The following NXN variants were observed in gnomAD, a reference collection of about 807,000 sequenced individuals.
The protein encoded by NXN is nucleoredoxin.
NXN carries 16 observed loss-of-function variants against 48.6 expected under a neutral mutation model. That is an observed-to-expected ratio of 0.33 (90% CI 0.22 to 0.50). The LOEUF (loss-of-function observed/expected upper bound fraction) is 0.50. Ranked by LOEUF, NXN falls within the 20% of genes least tolerant of loss-of-function variation. The pLI is 0.98. For missense variants in NXN, 492 were observed against 605.5 expected (o/e 0.81, Z 1.97); for synonymous variants, 281 against 269.6 (o/e 1.04, Z -0.41).
intron 1 of NXN, among the ~76,000 whole-genome samples, chr17:913,210 A>G (rs1362511798): frequency 6.6e-6 from 1 of 152,188 alleles, no homozygotes; most frequent in Admixed American, 6.5e-5. Context: ...CAGAAAATTC[A>G]TGAGTCACCA....
chr17:885,472 A>G (rs1373825255), intron 1 of NXN, among the ~76,000 whole-genome samples: 4 of 150,140 alleles, frequency 2.7e-5, no homozygotes, highest in Admixed American at 1.3e-4. Context: ...AGCGAGACTC[A>G]ATCTCAAAAA....
rs115823363 is a variant in NXN at position 917,134 on chromosome 17, T to A, written c.360+62185A>T. Among the ~76,000 whole-genome samples, 276 of 151,826 alleles carry A rather than the reference T, an allele frequency of 1.8e-3. 1 individual carries two copies. Among genetic ancestry groups the A allele is most frequent in the African/African-American group, 6.4e-3 (266 of 41,410 alleles). On this transcript the variant is annotated intron_variant, in intron 1 of 7. Transcript: ENST00000336868. The surrounding 1 kb of genome is among the most constrained non-coding windows in gnomAD (Gnocchi z 4.5). ...CCCTGTTCCTAAGTGAACCAAGGAA[T>A]GAGGTGTTCCACGCCTGAGCTCACA...
At position 922,282 on chromosome 17, in the gene NXN, T is replaced by C. The variant is rs528952418; in HGVS notation, c.360+57037A>G. ...CACGGTGAAACCTCATCTCTAAAAA[T>C]ACAAAAATTAGCTGGGTGTGGTGGC... is the stretch of plus-strand genomic sequence containing the variant. On this transcript the variant is annotated intron_variant, in intron 1 of 7. Coordinates refer to ENST00000336868, the MANE Select transcript of NXN (RefSeq NM_022463.5). 3.3e-5 allele frequency among the ~76,000 whole-genome samples: 5 copies of C among 151,932 alleles called. No homozygotes were observed. The East Asian group carries it at 9.8e-4, about 30-fold the overall frequency.
intron 1 of NXN, among the ~76,000 whole-genome samples, chr17:857,027 C>T (rs1454819314): frequency 1.3e-5 from 2 of 152,192 alleles, no homozygotes; most frequent in African/African-American, 4.8e-5. Context: ...AGCACCCCCA[C>T]TTCTCGGTAC....
chr17:880,924 C>T (rs2068277091), intron 1 of NXN, among the ~76,000 whole-genome samples: 1 of 152,174 alleles, frequency 6.6e-6, no homozygotes, highest in Non-Finnish European at 1.5e-5. Flanking sequence ...TGGGCCAGGG[C>T]TCCAAGGGGC....
chr17:817,029 T>C (rs370897618), intron 5 of NXN, among the ~76,000 whole-genome samples: 7 of 152,218 alleles, frequency 4.6e-5, no homozygotes, highest in East Asian at 1.9e-4. Flanking sequence ...CCCTCAACTT[T>C]TGTTTGGAAA....
At chr17:943,850 G>A (rs2069011091) in intron 1 of NXN, among the ~76,000 whole-genome samples, 1 of 151,072 alleles carries the variant, frequency 6.6e-6, no homozygotes, top group Non-Finnish European at 1.5e-5. Flanking sequence ...AAATGGTGAA[G>A]ACAGTAAATT....
intron 1 of NXN, among the ~76,000 whole-genome samples, chr17:937,506 G>A (rs2068920278): frequency 1.3e-5 from 2 of 152,122 alleles, no homozygotes; most frequent in African/African-American, 4.8e-5. Flanking sequence ...GACAAAAGGA[G>A]GGAAAAGCCA....
At chr17:814,868 T>C (rs371081133) in intron 5 of NXN, among the ~76,000 whole-genome samples, 7 of 152,128 alleles carry the variant, frequency 4.6e-5, no homozygotes, top group East Asian at 1.9e-4. Context: ...CAGGTTCAAG[T>C]GATTCTCCTG....
chr17:892,543 C>A (rs1197119525), intron 1 of NXN, among the ~76,000 whole-genome samples: 1 of 145,916 alleles, frequency 6.9e-6, no homozygotes. Flanking sequence ...TCCCCACCCA[C>A]AAAACACTCA....
intron 1 of NXN, among the ~76,000 whole-genome samples, chr17:876,917 G>A (rs376770045): frequency 6.6e-6 from 1 of 151,770 alleles, no homozygotes; most frequent in Non-Finnish European, 1.5e-5. Context: ...GTATGGTGGC[G>A]GTCGCCTGTA....
intron 4 of NXN, among the ~76,000 whole-genome samples, chr17:820,393 T>C (rs497469): frequency 0.67 from 101,595 of 151,342 alleles, 34,784 homozygotes; most frequent in African/African-American, 0.81. Context: ...AGGTGAATCA[T>C]GAGGTCAAGA....
chr17:845,789 G>A (rs1050158917), intron 1 of NXN, among the ~76,000 whole-genome samples: 18 of 152,362 alleles, frequency 1.2e-4, no homozygotes, highest in Non-Finnish European at 7.3e-5. Flanking sequence ...CAAATACGCC[G>A]GGTGTGGCGG....
intron 1 of NXN, among the ~76,000 whole-genome samples, chr17:968,598 G>C (rs2069334632): frequency 6.6e-6 from 1 of 152,100 alleles, no homozygotes; most frequent in Non-Finnish European, 1.5e-5. Flanking sequence ...CAAAGACACA[G>C]ATGTCATCAA....
At position 800,805 on chromosome 17, in the gene NXN, A is replaced by C; in HGVS notation, c.*144T>G. 2.2e-6 allele frequency: 1 copy of C among 464,820 alleles called. No individual in the cohort carries two copies. The highest frequency in any genetic ancestry group is 3.6e-6 in the Non-Finnish European group (1 of 277,412). The allele number at this position is 464,820 out of a possible 1,614,324, so 28.8% of individuals were successfully genotyped here. A position where few individuals can be genotyped will look rare whatever the true frequency, so the allele number is the denominator to read the frequency against. On this transcript the variant is annotated 3_prime_UTR_variant, in exon 8 of 8. Coordinates refer to ENST00000336868, the MANE Select transcript of NXN (RefSeq NM_022463.5). Reference sequence around the variant, plus strand: ...CCCCAGGGTGCTGGCTGAGGAGTTTACTGCAGAAACAAGGCACCACAGAGA... The same window carrying C: ...CCCCAGGGTGCTGGCTGAGGAGTTTCCTGCAGAAACAAGGCACCACAGAGA...
intron 1 of NXN, among the ~76,000 whole-genome samples, chr17:836,137 G>A (rs529620912): frequency 4.0e-5 from 6 of 150,684 alleles, no homozygotes; most frequent in Admixed American, 6.6e-5. Flanking sequence ...GAAAAACACC[G>A]GTGGGATTCA....
chr17:972,632 C>T (rs919711369), intron 1 of NXN, among the ~76,000 whole-genome samples: 9 of 152,178 alleles, frequency 5.9e-5, no homozygotes, highest in African/African-American at 2.2e-4. Context: ...AGGAAGATCC[C>T]CAAGGGGTTT....
chr17:812,491 G>A (rs998300525), intron 5 of NXN, among the ~76,000 whole-genome samples: 1 of 152,212 alleles, frequency 6.6e-6, no homozygotes, highest in African/African-American at 2.4e-5. Context: ...GGAGCAGGAC[G>A]TCCCCAGAGA....
At chr17:811,967 G>C (rs1326942400) in intron 5 of NXN, among the ~76,000 whole-genome samples, 4 of 117,200 alleles carry the variant, frequency 3.4e-5, no homozygotes, top group Admixed American at 1.3e-4. Flanking sequence ...TCGCTCTGTC[G>C]CCCAGGCTGG....
Sources: gnomAD v4.1 joint callset for allele counts (sites outside exome capture counted in the v4.1 genomes callset) on GRCh38, gnomAD v4.1.1 for gene constraint, Gnocchi (gnomAD v3.1) non-coding constraint, MANE v1.5 for transcripts, NCBI Gene and HGNC (gene_info 2026-07-23, HGNC 2026-07-21) for gene names.